ZNF626: variants seen among roughly 807,000 people sequenced by gnomAD.
ZNF626 encodes the protein zinc finger protein 626.
ZNF626 carries 4 observed loss-of-function variants against 11.7 expected under a neutral mutation model. The ratio of observed to expected loss-of-function variants is 0.34; its 90% CI spans 0.17 to 0.78. The LOEUF (loss-of-function observed/expected upper bound fraction) is 0.78. Among genes scored for constraint, ZNF626 ranks in the 30% least tolerant of loss-of-function variants. ZNF626 has a pLI of 0.57. For synonymous variants in ZNF626, 179 were observed against 198.6 expected (o/e 0.90, Z 0.83); for missense variants, 588 against 587.1 (o/e 1.00, Z -0.01).
chr19:20,655,640 C>T (rs923835931), intron 1 of ZNF626, among the ~76,000 whole-genome samples: 9 of 152,046 alleles, frequency 5.9e-5, no homozygotes, highest in African/African-American at 2.2e-4. Flanking sequence ...GAGGGAATAG[C>T]GGCCAGGCAC....
At chr19:20,631,518 T>C (rs8104464) in intron 3 of ZNF626, among the ~76,000 whole-genome samples, 64,596 of 147,148 alleles carry the variant, frequency 0.44, 15,353 homozygotes, top group African/African-American at 0.63. Flanking sequence ...TCTTGTTGAA[T>C]TGATCCCTTT....
At chr19:20,659,941 G>C (rs1410927893) in intron 1 of ZNF626, among the ~76,000 whole-genome samples, 4 of 151,910 alleles carry the variant, frequency 2.6e-5, no homozygotes, top group African/African-American at 9.7e-5. Context: ...ATCCGCAAGG[G>C]AGACTCCCCA....
chr19:20,652,137 C>CT (rs1970152588), intron 1 of ZNF626, among the ~76,000 whole-genome samples: 1 of 152,110 alleles, frequency 6.6e-6, no homozygotes, highest in Admixed American at 6.5e-5. Context: ...AAGTCCGGTC[C>CT]TTTTTTGTAA....
At chr19:20,661,395 T>C in intron 1 of ZNF626, 49 bp downstream of exon 1, 1 of 1,613,104 alleles carries the variant, frequency 6.2e-7, no homozygotes, top group Non-Finnish European at 8.5e-7. Flanking sequence ...TTTTCACCGG[T>C]TCCAACCAGT....
At chr19:20,639,143 AAGGAACCT>A (rs1555771177) in intron 3 of ZNF626, among the ~76,000 whole-genome samples, 2 of 152,172 alleles carry the variant, frequency 1.3e-5, no homozygotes, top group East Asian at 3.9e-4. Context: ...AGGTTCTTTT[AAGGAACCT>A]ACTCTCATTT....
At chr19:20,643,202 T>C (rs1970042055) in intron 3 of ZNF626, among the ~76,000 whole-genome samples, 1 of 152,170 alleles carries the variant, frequency 6.6e-6, no homozygotes, top group African/African-American at 2.4e-5. Flanking sequence ...CTGGAGTTTC[T>C]TTTTATGTTT....
intron 1 of ZNF626, among the ~76,000 whole-genome samples, chr19:20,654,166 C>T (rs1323924414): frequency 1.1e-4 from 16 of 152,240 alleles, no homozygotes; most frequent in Admixed American, 3.3e-4. Context: ...TTAGGCTGGG[C>T]GCAGTGGCTC....
rs782068912 is a variant in ZNF626 at position 20,625,594 on chromosome 19, A to G, written c.283T>C (p.Phe95Leu). The G allele has an allele frequency of 3.1e-6, 5 of 1,600,500 alleles. No homozygotes were observed. The African/African-American group carries it at 4.0e-5, about 13-fold the overall frequency. The change falls in exon 4 of 4, where the codon TTC (phenylalanine) becomes CTC (leucine). Residue 95 changes from phenylalanine (F) to leucine (L), a missense_variant. Phe to Leu is a conservative substitution (Grantham distance 22). Transcript: ENST00000601440. The stretch of plus-strand genomic sequence containing the variant: ...TATCTTCTCAGTACCACTTTTTGGA[A>G]AGAATCTTTCATGCTCTGCTCTGGC... ...LWPEQSMKDS[F>L]QKVVLRRYEK...
At chr19:20,648,457 A>G (rs868963086) in intron 1 of ZNF626, among the ~76,000 whole-genome samples, 13 of 150,844 alleles carry the variant, frequency 8.6e-5, no homozygotes, top group African/African-American at 3.2e-4. Flanking sequence ...GCTCACTGCA[A>G]GCTCTGCCTC....
At chr19:20,626,351 G>A (rs539543377) in intron 3 of ZNF626, among the ~76,000 whole-genome samples, 5 of 152,150 alleles carry the variant, frequency 3.3e-5, no homozygotes, top group Non-Finnish European at 5.9e-5. Flanking sequence ...GTAGAGCAAC[G>A]TGATCCCATC....
intron 3 of ZNF626, chr19:20,644,716 T>C (rs1970056251): frequency 6.6e-6 from 1 of 151,998 alleles, no homozygotes; most frequent in Non-Finnish European, 1.5e-5. Flanking sequence ...ATAAGTAATC[T>C]TATATTTAAA....
intron 3 of ZNF626, among the ~76,000 whole-genome samples, chr19:20,634,658 C>T (rs782182701): frequency 1.4e-5 from 2 of 147,868 alleles, no homozygotes; most frequent in Non-Finnish European, 3.0e-5. Context: ...AACAAACAAT[C>T]GAAAAAGGAG....
intron 3 of ZNF626, among the ~76,000 whole-genome samples, chr19:20,637,696 G>C (rs537595247): frequency 4.6e-5 from 7 of 150,820 alleles, no homozygotes; most frequent in African/African-American, 1.7e-4. Context: ...GTGTGCAAAA[G>C]AAAATAAAAA....
chr19:20,632,645 C>T (rs566942358), intron 3 of ZNF626, among the ~76,000 whole-genome samples: 1 of 152,322 alleles, frequency 6.6e-6, no homozygotes, highest in Non-Finnish European at 1.5e-5. Flanking sequence ...CCATCAGGTC[C>T]TTTAAGAACT....
In ZNF626 at chr19:20,625,174, C is replaced by G. The variant is rs1161401627; in HGVS notation, c.703G>C (p.Gly235Arg). ...GTGGAGGAGTGCTTAAAGGCTTTGC[C>G]ACATTCTTCACATTTGTAGGGTTTC... is the stretch of plus-strand genomic sequence containing the variant. ...GEKPYKCEEC[G>R]KAFKHSSTLT... The change falls in exon 4 of 4, where the codon GGC becomes CGC. Residue 235 changes from glycine to arginine, a missense_variant. By Grantham distance (125) the Gly-to-Arg change is moderately radical. Coordinates refer to ENST00000601440, the MANE Select transcript of ZNF626 (RefSeq NM_001076675.3). The G allele has an allele frequency of 2.5e-6, 4 of 1,612,978 alleles. No individual in the cohort carries two copies. In the African/African-American group the frequency reaches 5.3e-5, roughly 22 times the overall value.
chr19:20,622,449 T>A lies in ZNF626; in HGVS notation c.*1841A>T, dbSNP rs1348481544. 5 of 152,184 alleles carry A rather than the reference T, an allele frequency of 3.3e-5. No homozygotes were observed. The highest frequency in any genetic ancestry group is 1.2e-4 in the African/African-American group (5 of 41,432). 9.4% of individuals were successfully genotyped at this position (152,184 alleles called of 1,614,324 possible). On this transcript the variant is annotated 3_prime_UTR_variant, in exon 4 of 4. Transcript: ENST00000601440. ...TCATGCATCTTACATTTTAATGTCC[T>A]TACTGTTTTATAGAAAAGGTCATAA...
At chr19:20,648,928 G>T (rs1320125304) in intron 1 of ZNF626, among the ~76,000 whole-genome samples, 5 of 152,120 alleles carry the variant, frequency 3.3e-5, no homozygotes, top group Non-Finnish European at 5.9e-5. Flanking sequence ...CTGAAATATA[G>T]GAAAGAAATA....
chr19:20,625,315 G>A lies in ZNF626; in HGVS notation c.562C>T (p.Leu188Phe). ...CGKAFKQFST[L>F]TTHKKIHTGG... ...GTATGAATTTTCTTATGTGTAGTAA[G>A]AGTTGAGAACTGCTTAAAAGCTTTG... The change falls in exon 4 of 4, where the codon CTT becomes TTT. Residue 188 changes from leucine (L) to phenylalanine (F), a missense_variant. Physicochemically the swap from Leu to Phe is conservative, Grantham distance 22 (BLOSUM62 0). Around this residue, in one of 4 missense-constraint regions of ZNF626, gnomAD observed 524 missense variants for 470.1 expected, o/e 1.11. Transcript: ENST00000601440. 1 of 1,613,664 alleles carries A rather than the reference G, an allele frequency of 6.2e-7. No individual in the cohort carries two copies. The highest frequency in any genetic ancestry group is 2.2e-5 in the East Asian group (1 of 44,860).
intron 2 of ZNF626, 85 bp downstream of exon 2, chr19:20,646,183 ACTCTTTTATGC>A: frequency 7.5e-7 from 1 of 1,341,676 alleles, no homozygotes. Flanking sequence ...GGGATCTGAA[ACTCTTTTATGC>A]AAAGAATAAA....
Sources: gnomAD v4.1 joint callset for allele counts (sites outside exome capture counted in the v4.1 genomes callset) on GRCh38, gnomAD v4.1.1 for gene constraint, gnomAD v4.1.1 regional missense constraint, MANE v1.5 for transcripts, NCBI Gene and HGNC (gene_info 2026-07-23, HGNC 2026-07-21) for gene names.